The following FRS2 variants were observed in gnomAD, a reference collection of about 807,000 sequenced individuals.
FRS2 encodes the protein FGFR signalling adaptor.
Under a neutral mutation model 43.9 loss-of-function variants are expected in FRS2, and 8 were observed. The observed-to-expected ratio is 0.18, with a 90% CI of 0.11 to 0.33. The LOEUF (loss-of-function observed/expected upper bound fraction) is 0.33. Ranked by LOEUF, FRS2 falls within the 10% of genes least tolerant of loss-of-function variation. FRS2 has a pLI of 1.00. For missense variants in FRS2, 534 were observed against 627.6 expected (o/e 0.85, Z 1.59); for synonymous variants, 219 against 220.3 (o/e 0.99, Z 0.05).
intron 1 of FRS2, among the ~76,000 whole-genome samples, chr12:69,498,891 T>A (rs1287605522): frequency 6.6e-6 from 1 of 152,174 alleles, no homozygotes; most frequent in Non-Finnish European, 1.5e-5. Context: ...TTTATTGAGC[T>A]TCTATTATGT....
In FRS2 at chr12:69,542,381, G is replaced by A. The variant is rs529589543; in HGVS notation, c.-122+10325G>A. ...CCACAGATTGAAATTATTTGAAATA[G>A]AAAGCAGTATAAAAAATATTACAAA... On this transcript the variant is annotated intron_variant, in intron 3 of 8. Coordinates refer to ENST00000549921, the MANE Select transcript of FRS2 (RefSeq NM_001278356.2). Among the ~76,000 whole-genome samples, 14 of 152,152 alleles carry A rather than the reference G, an allele frequency of 9.2e-5. No individual in the cohort carries two copies. The East Asian group carries it at 2.3e-3, about 25-fold the overall frequency.
chr12:69,536,583 T>C (rs1168594798), intron 3 of FRS2, among the ~76,000 whole-genome samples: 1 of 151,474 alleles, frequency 6.6e-6, no homozygotes, highest in Non-Finnish European at 1.5e-5. Context: ...TTTTTAATTT[T>C]TTTTTTTCTT....
At chr12:69,573,692 C>CT (rs1400976094) in intron 8 of FRS2, among the ~76,000 whole-genome samples, 1 of 152,128 alleles carries the variant, frequency 6.6e-6, no homozygotes, top group African/African-American at 2.4e-5. Context: ...CGAACTCCTA[C>CT]CCTCAAGTGA....
chr12:69,477,692 TA>T (rs959608675), intron 1 of FRS2, among the ~76,000 whole-genome samples: 2 of 151,376 alleles, frequency 1.3e-5, no homozygotes, highest in African/African-American at 4.9e-5. Context: ...GTACTGTGCT[TA>T]AATATTTAAT....
intron 1 of FRS2, among the ~76,000 whole-genome samples, chr12:69,511,875 T>C (rs1874491055): frequency 6.6e-6 from 1 of 152,256 alleles, no homozygotes; most frequent in Admixed American, 6.5e-5. Context: ...AAATATTGGC[T>C]GCTCTTATTG....
chr12:69,502,577 T>C (rs1873555389), intron 1 of FRS2, among the ~76,000 whole-genome samples: 1 of 152,106 alleles, frequency 6.6e-6, no homozygotes, highest in African/African-American at 2.4e-5. Context: ...CAAATATTTA[T>C]TGCATGCCTA....
chr12:69,563,794 T>G (rs1443914259), intron 4 of FRS2, among the ~76,000 whole-genome samples: 1 of 152,156 alleles, frequency 6.6e-6, no homozygotes, highest in Non-Finnish European at 1.5e-5. Context: ...TATTACCTAC[T>G]TCAGCCTCTT....
At chr12:69,495,323 T>G (rs1265590429) in intron 1 of FRS2, among the ~76,000 whole-genome samples, 1 of 152,224 alleles carries the variant, frequency 6.6e-6, no homozygotes, top group Non-Finnish European at 1.5e-5. Flanking sequence ...GAAACAAACC[T>G]ATTGCTTCAA....
intron 1 of FRS2, among the ~76,000 whole-genome samples, chr12:69,517,988 A>G (rs1268119866): frequency 2.0e-5 from 3 of 152,044 alleles, no homozygotes; most frequent in East Asian, 1.9e-4. Flanking sequence ...GCATTTATAT[A>G]TAAAATATTA....
chr12:69,557,875 A>G (rs578197713), intron 3 of FRS2: 1 of 152,240 alleles, frequency 6.6e-6, no homozygotes, highest in Admixed American at 6.5e-5. Flanking sequence ...AGTATTTTGT[A>G]TCATCTTCCA....
In FRS2 at chr12:69,574,396, G is replaced by T; in HGVS notation, c.968G>T (p.Gly323Val). The change falls in exon 9 of 9, where the codon GGT becomes GTT. Residue 323 changes from glycine (G) to valine (V), a missense_variant. This residue lies in a region of FRS2 where 446 missense variants were observed against 494.2 expected (regional missense o/e 0.90). Transcript: ENST00000549921. ...CCTAGTGCCTCAGGGGTCAGGAGAGGTCGTCTGACATCCACCAGTACCTCA... is the reference window on the plus strand; with the variant it reads ...CCTAGTGCCTCAGGGGTCAGGAGAGTTCGTCTGACATCCACCAGTACCTCA... ...SIPSASGVRR[G>V]RLTSTSTSDT... is the part of the protein sequence containing the mutation. 6.2e-7 allele frequency: 1 copy of T among 1,613,834 alleles called. No individual in the cohort carries two copies. The highest frequency in any genetic ancestry group is 1.1e-5 in the South Asian group (1 of 91,082).
chr12:69,512,992 T>C (rs966446599), intron 1 of FRS2, among the ~76,000 whole-genome samples: 1 of 152,160 alleles, frequency 6.6e-6, no homozygotes, highest in African/African-American at 2.4e-5. Flanking sequence ...ATGACATCAT[T>C]CAGCTAGGAA....
rs748152706 is a variant in FRS2, at chr12:69,572,143, A to G, written c.438A>G (p.Leu146=). ...CTCCAGGATTTGCTGCTCAGAACTT[A>G]CCTAATGGATATCCCCGATATCCCT... ...PTTPGFAAQN[L]PNGYPRYPSF... Residue 146 remains leucine, a synonymous_variant, in exon 8 of 9, where the codon TTA becomes TTG. Coordinates refer to ENST00000549921, the MANE Select transcript of FRS2 (RefSeq NM_001278356.2). 8.1e-6 allele frequency: 13 copies of G among 1,613,828 alleles called. No individual in the cohort carries two copies. Among genetic ancestry groups the G allele is most frequent in the Non-Finnish European group, 1.1e-5 (13 of 1,179,844 alleles).
Position 69,576,643 on chromosome 12 carries a change from A to G in FRS2, c.*1688A>G, listed in dbSNP as rs976002690. On this transcript the variant is annotated 3_prime_UTR_variant, in exon 9 of 9. Transcript: ENST00000549921. ...TATTCAGTAACCGAATCATAGGACA[A>G]TGATGGATTAGGAGAACAATAGAGT... The G allele has an allele frequency of 5.3e-5, 8 of 152,238 alleles. No individual in the cohort carries two copies. Among genetic ancestry groups the G allele is most frequent in the African/African-American group, 9.6e-5 (4 of 41,468 alleles). 9.4% of individuals were successfully genotyped at this position (152,238 alleles called of 1,614,324 possible).
At chr12:69,508,549 T>C (rs1158209056) in intron 1 of FRS2, among the ~76,000 whole-genome samples, 1 of 152,226 alleles carries the variant, frequency 6.6e-6, no homozygotes, top group Non-Finnish European at 1.5e-5. Flanking sequence ...TTAGATCTTT[T>C]AAACAAAATC....
At chr12:69,548,662 G>T (rs994448071) in intron 3 of FRS2, among the ~76,000 whole-genome samples, 3 of 152,130 alleles carry the variant, frequency 2.0e-5, no homozygotes, top group East Asian at 1.9e-4. Context: ...TAATGGAAAA[G>T]AATTTAATAA....
chr12:69,490,611 G>GT (rs1872395184), intron 1 of FRS2, among the ~76,000 whole-genome samples: 1 of 151,984 alleles, frequency 6.6e-6, no homozygotes, highest in Admixed American at 6.5e-5. Context: ...CAGCCAGATG[G>GT]TTTTTTTCTT....
rs137978015 is a variant in FRS2, at chr12:69,576,296, T to C, written c.*1341T>C. ...ATTATCCTTCGATTTCCATGAAATATTAATATTGTTGCCAGCATAGCAGGT... is the reference window on the plus strand; with the variant it reads ...ATTATCCTTCGATTTCCATGAAATACTAATATTGTTGCCAGCATAGCAGGT... On this transcript the variant is annotated 3_prime_UTR_variant, in exon 9 of 9. Coordinates refer to ENST00000549921, the MANE Select transcript of FRS2 (RefSeq NM_001278356.2). The C allele has an allele frequency of 6.6e-6, 1 of 152,334 alleles. No individual in the cohort carries two copies. The highest frequency in any genetic ancestry group is 1.5e-5 in the Non-Finnish European group (1 of 68,028). 9.4% of individuals were successfully genotyped at this position (152,334 alleles called of 1,614,324 possible).
intron 1 of FRS2, among the ~76,000 whole-genome samples, chr12:69,525,410 C>T (rs148749333): frequency 6.6e-6 from 1 of 152,088 alleles, no homozygotes; most frequent in African/African-American, 2.4e-5. Context: ...TATCTATGTG[C>T]TCTGTGATCT....
Sources: gnomAD v4.1 joint callset for allele counts (sites outside exome capture counted in the v4.1 genomes callset) on GRCh38, gnomAD v4.1.1 for gene constraint, gnomAD v4.1.1 regional missense constraint, MANE v1.5 for transcripts, NCBI Gene and HGNC (gene_info 2026-07-23, HGNC 2026-07-21) for gene names.